The following CACNA1E variants were observed in gnomAD, a reference collection of about 807,000 sequenced individuals.
The protein encoded by CACNA1E is calcium voltage-gated channel subunit alpha1 E.
In CACNA1E, 40 loss-of-function variants were observed where a neutral mutation model predicts 259.2. The ratio of observed to expected loss-of-function variants is 0.15; its 90% CI spans 0.12 to 0.20. The LOEUF (loss-of-function observed/expected upper bound fraction) is 0.20, where lower values mean the gene tolerates loss of function less well. CACNA1E is among the 10% of genes least tolerant of loss of function. CACNA1E has a pLI of 1.00. For missense variants in CACNA1E, 1,874 were observed against 3,040.1 expected, an observed-to-expected ratio of 0.62 and a Z score of 9.02; for synonymous variants, 1,104 against 1,138.5, an observed-to-expected ratio of 0.97 and a Z score of 0.61.
chr1:181,518,572 G>T (rs533910841), intron 3 of CACNA1E, among the ~76,000 whole-genome samples: 4 of 152,190 alleles, frequency 2.6e-5, no homozygotes, highest in Non-Finnish European at 5.9e-5. Flanking sequence ...GCTCTGTGCT[G>T]CTGATAAATC....
chr1:181,794,158 T>TCAGGACTGTCTGTCC (rs1661579151), intron 45 of CACNA1E, among the ~76,000 whole-genome samples: 1 of 152,240 alleles, frequency 6.6e-6, no homozygotes, highest in Non-Finnish European at 1.5e-5. Context: ...CAGGTCTGTG[T>TCAGGACTGTCTGTCC]CAGGACTGTC....
In CACNA1E at chr1:181,804,237, A is replaced by G. The variant is rs1662478991; in HGVS notation, c.*5403A>G. ...AATAGCAAAGAAGGATACCTTGGTG[A>G]TCTGCAATGTTTCTGAATCTGTTTC... On this transcript the variant is annotated 3_prime_UTR_variant, in exon 48 of 48. Transcript: ENST00000367573. 6.6e-6 allele frequency: 1 copy of G among 152,162 alleles called. No homozygotes were observed. The highest frequency in any genetic ancestry group is 2.4e-5 in the African/African-American group (1 of 41,434). 9.4% of individuals were successfully genotyped at this position (152,162 alleles called of 1,614,324 possible).
At chr1:181,374,954 A>G (rs1188156928) in intron 1 of CACNA1E, among the ~76,000 whole-genome samples, 1 of 152,228 alleles carries the variant, frequency 6.6e-6, no homozygotes. Flanking sequence ...TATATCAAAT[A>G]ATAAATATAA....
chr1:181,607,842 A>C (rs1474834827), intron 6 of CACNA1E, among the ~76,000 whole-genome samples: 1 of 152,212 alleles, frequency 6.6e-6, no homozygotes, highest in Non-Finnish European at 1.5e-5. Context: ...TTCAGGCAGC[A>C]TCCTGGCAGG....
intron 6 of CACNA1E, among the ~76,000 whole-genome samples, chr1:181,589,764 G>T (rs1349236309): frequency 6.6e-6 from 1 of 152,212 alleles, no homozygotes; most frequent in Non-Finnish European, 1.5e-5. Context: ...GACAGCCCAT[G>T]TAGAAATGTG....
At chr1:181,584,043 G>A (rs1651816214) in intron 6 of CACNA1E, among the ~76,000 whole-genome samples, 1 of 152,150 alleles carries the variant, frequency 6.6e-6, no homozygotes, top group Non-Finnish European at 1.5e-5. Flanking sequence ...CTGGGCTGGA[G>A]GTGGCTGAGA....
intron 1 of CACNA1E, among the ~76,000 whole-genome samples, chr1:181,374,939 C>T (rs1654987537): frequency 6.6e-6 from 1 of 151,958 alleles, no homozygotes. Context: ...TTTTGTATTT[C>T]TACATATATC....
At chr1:181,671,194 T>G (rs1173029961) in intron 7 of CACNA1E, among the ~76,000 whole-genome samples, 1 of 152,148 alleles carries the variant, frequency 6.6e-6, no homozygotes, top group Non-Finnish European at 1.5e-5. Flanking sequence ...TCACCACACC[T>G]GGCTAATTTT....
At chr1:181,376,522 T>G (rs1423230157) in intron 1 of CACNA1E, among the ~76,000 whole-genome samples, 2 of 152,238 alleles carry the variant, frequency 1.3e-5, no homozygotes, top group Admixed American at 1.3e-4. Context: ...GAGGACCTCA[T>G]GCTGGGAGGC....
chr1:181,541,422 TC>T (rs1300692005), intron 3 of CACNA1E, among the ~76,000 whole-genome samples: 1 of 151,498 alleles, frequency 6.6e-6, no homozygotes, highest in African/African-American at 2.4e-5. Context: ...GTTATGAATC[TC>T]CCCATTAGAT....
intron 6 of CACNA1E, among the ~76,000 whole-genome samples, chr1:181,645,366 A>T (rs1036164006): frequency 6.6e-6 from 1 of 152,134 alleles, no homozygotes; most frequent in Non-Finnish European, 1.5e-5. Context: ...ACATCCACAC[A>T]GAGCTCCAGG....
chr1:181,498,851 C>T (rs1665006807), intron 1 of CACNA1E, among the ~76,000 whole-genome samples: 1 of 152,198 alleles, frequency 6.6e-6, no homozygotes, highest in Admixed American at 6.5e-5. Context: ...CCTTCTTTCT[C>T]TTCTGGGGCT....
At position 181,453,973 on chromosome 1, in the gene CACNA1E, A is replaced by G. The variant is rs868541118; in HGVS notation, c.435-29771A>G. Among the ~76,000 whole-genome samples, 86 of 152,256 alleles carry G rather than the reference A, an allele frequency of 5.6e-4. 1 individual carries two copies. The highest frequency in any genetic ancestry group is 3.4e-3 in the Middle Eastern group (1 of 294). On this transcript the variant is annotated intron_variant, in intron 2 of 11. Coordinates refer to the CACNA1E transcript ENST00000524607. ...AGGTTACTGCTCTCTTTCTCACTTTACTGTGTTGGTTGCTTAACTTCTCTT... is the reference window on the plus strand; with the variant it reads ...AGGTTACTGCTCTCTTTCTCACTTTGCTGTGTTGGTTGCTTAACTTCTCTT...
intron 1 of CACNA1E, among the ~76,000 whole-genome samples, chr1:181,347,402 C>A (rs1040930743): frequency 2.0e-5 from 3 of 152,120 alleles, no homozygotes; most frequent in Non-Finnish European, 4.4e-5. Flanking sequence ...TTTTTTCCTC[C>A]CATCCCCAGA....
At chr1:181,542,886 T>G (rs1333303893) in intron 3 of CACNA1E, among the ~76,000 whole-genome samples, 1 of 149,412 alleles carries the variant, frequency 6.7e-6, no homozygotes, top group African/African-American at 2.5e-5. Context: ...GGGTTTGATG[T>G]GTTTATTAGT....
At chr1:181,504,704 G>A (rs1033140900) in intron 1 of CACNA1E, among the ~76,000 whole-genome samples, 1 of 152,202 alleles carries the variant, frequency 6.6e-6, no homozygotes, top group Non-Finnish European at 1.5e-5. Context: ...GCTTCAAGAA[G>A]GAAATGAACA....
chr1:181,603,884 G>A (rs1653975176), intron 6 of CACNA1E, among the ~76,000 whole-genome samples: 1 of 152,156 alleles, frequency 6.6e-6, no homozygotes, highest in Non-Finnish European at 1.5e-5. Flanking sequence ...TCAGGTGTTG[G>A]GGGATGGGGA....
chr1:181,690,814 A>G (rs1651076274), intron 7 of CACNA1E, among the ~76,000 whole-genome samples: 1 of 152,048 alleles, frequency 6.6e-6, no homozygotes, highest in Non-Finnish European at 1.5e-5. Context: ...ATTTTTGCAC[A>G]TTGATTTTGT....
chr1:181,336,981 ATATT>A (rs1488686369), intron 1 of CACNA1E, among the ~76,000 whole-genome samples: 6 of 148,708 alleles, frequency 4.0e-5, no homozygotes, highest in Non-Finnish European at 7.4e-5. Flanking sequence ...TATAATATAG[ATATT>A]TATATATCTA....
Sources: allele counts gnomAD v4.1 joint callset (sites outside exome capture counted in the v4.1 genomes callset), GRCh38; gene constraint gnomAD v4.1.1; transcripts MANE v1.5; gene names NCBI Gene and HGNC (gene_info 2026-07-23, HGNC 2026-07-21).